Variants in DAPK1 observed in about 807,000 individuals in gnomAD.
The protein encoded by DAPK1 is death-associated protein kinase 1.
In DAPK1, 56 loss-of-function variants were observed where a neutral mutation model predicts 144.9. That is an observed-to-expected ratio of 0.39 (90% CI 0.31 to 0.48). The LOEUF (loss-of-function observed/expected upper bound fraction) is 0.48. Ranked by LOEUF, DAPK1 falls within the 20% of genes least tolerant of loss-of-function variation. DAPK1 has a pLI of 0.95. For synonymous variants in DAPK1, 690 were observed against 749.0 expected (o/e 0.92, Z 1.29); for missense variants, 1,454 against 1,875.4 (o/e 0.78, Z 4.15).
chr9:87,680,903 C>T (rs1053467149), intron 19 of DAPK1, among the ~76,000 whole-genome samples: 1 of 152,140 alleles, frequency 6.6e-6, no homozygotes, highest in Admixed American at 6.5e-5. Context: ...ACACTAAAAG[C>T]CTCTGAATTT....
chr9:87,560,043 C>T (rs574945357), intron 2 of DAPK1, among the ~76,000 whole-genome samples: 76 of 148,890 alleles, frequency 5.1e-4, no homozygotes, highest in African/African-American at 1.8e-3. Flanking sequence ...CTTGCTCTGT[C>T]GCCCAGGCTC....
chr9:87,657,969 A>C (rs959397278), intron 17 of DAPK1, 60 bp from the exon 18 acceptor site: 3 of 735,788 alleles, frequency 4.1e-6, no homozygotes, highest in East Asian at 2.6e-5. Context: ...TGTCTCCGGA[A>C]TGTCATCCTC....
chr9:87,551,817 G>C (rs1644335732), intron 2 of DAPK1, among the ~76,000 whole-genome samples: 1 of 152,166 alleles, frequency 6.6e-6, no homozygotes, highest in South Asian at 2.1e-4. Flanking sequence ...AGCCCAGGAG[G>C]AGAGACCCGA....
At chr9:87,617,703 T>A (rs1434641961) in intron 3 of DAPK1, among the ~76,000 whole-genome samples, 2 of 152,348 alleles carry the variant, frequency 1.3e-5, no homozygotes, top group Non-Finnish European at 2.9e-5. Flanking sequence ...TCCCTACAGA[T>A]GTGTCTCTAG....
At chr9:87,562,500 C>G (rs527398150) in intron 2 of DAPK1, among the ~76,000 whole-genome samples, 1 of 152,318 alleles carries the variant, frequency 6.6e-6, no homozygotes, top group Admixed American at 6.5e-5. Flanking sequence ...AATGTGAAAG[C>G]ATGGGTGTGT....
At chr9:87,518,110 T>TG (rs1563970366) in intron 2 of DAPK1, among the ~76,000 whole-genome samples, 5,975 of 38,242 alleles carry the variant, frequency 0.16, 501 homozygotes, top group African/African-American at 0.25. Flanking sequence ...TTGTTGTTTT[T>TG]TTTTTTTTTT....
intron 2 of DAPK1, chr9:87,499,477 A>G (rs1413486330): frequency 2.7e-6 from 1 of 365,188 alleles, no homozygotes; most frequent in East Asian, 4.0e-5. Context: ...TTGCAATTGG[A>G]GTTAGCTTTT....
At chr9:87,638,223 C>G (rs36211020) in intron 4 of DAPK1, 142 bp downstream of exon 4, 3 of 906,538 alleles carry the variant, frequency 3.3e-6, no homozygotes, top group Non-Finnish European at 4.8e-6. Flanking sequence ...CACTATAAAT[C>G]GGCAAGCATA....
chr9:87,538,222 G>T (rs1825925619), intron 2 of DAPK1, among the ~76,000 whole-genome samples: 1 of 152,054 alleles, frequency 6.6e-6, no homozygotes, highest in African/African-American at 2.4e-5. Flanking sequence ...AATGACTTGG[G>T]GGTTTGCCCT....
rs36230549 is a variant in DAPK1 at position 87,529,695 on chromosome 9, G to A, written c.62+30556G>A. On this transcript the variant is annotated intron_variant, in intron 2 of 25. Coordinates refer to ENST00000408954, the MANE Select transcript of DAPK1 (RefSeq NM_004938.4). ...TAACAGTACGTGGAATGCAGTGGAC[G>A]TGCCTTTATCTGCAAGGACCCTTGA... Among the ~76,000 whole-genome samples, 799 of 152,330 alleles carry A rather than the reference G, an allele frequency of 5.2e-3. 4 individuals are homozygous for A. The highest frequency in any genetic ancestry group is 8.3e-3 in the Non-Finnish European group (566 of 68,030).
At chr9:87,675,848 TACACACACACACAC>T (rs763359644) in intron 19 of DAPK1, among the ~76,000 whole-genome samples, 27 of 117,346 alleles carry the variant, frequency 2.3e-4, no homozygotes, top group South Asian at 6.3e-4. Context: ...CATTCTACCC[TACACACACACACAC>T]ACACACACAC....
At chr9:87,575,345 G>A (rs551151117) in intron 2 of DAPK1, among the ~76,000 whole-genome samples, 19 of 152,178 alleles carry the variant, frequency 1.2e-4, no homozygotes, top group East Asian at 3.9e-4. Flanking sequence ...GGATGTGCAC[G>A]TGTGTTTGGA....
intron 2 of DAPK1, among the ~76,000 whole-genome samples, chr9:87,527,731 T>A (rs1587689219): frequency 6.6e-6 from 1 of 152,266 alleles, no homozygotes; most frequent in Non-Finnish European, 1.5e-5. Flanking sequence ...TGAGCTTCTT[T>A]CTGAACTGTT....
chr9:87,610,276 G>A (rs1828877593), intron 3 of DAPK1, among the ~76,000 whole-genome samples: 3 of 152,218 alleles, frequency 2.0e-5, no homozygotes, highest in African/African-American at 7.2e-5. Context: ...CGGATTTCAT[G>A]TCCTCCACGT....
chr9:87,544,007 A>G (rs1188315962), intron 2 of DAPK1, among the ~76,000 whole-genome samples: 1 of 152,190 alleles, frequency 6.6e-6, no homozygotes, highest in African/African-American at 2.4e-5. Flanking sequence ...GATTCAATCT[A>G]TGAAATTATT....
intron 3 of DAPK1, chr9:87,632,989 G>A: frequency 3.1e-6 from 3 of 976,174 alleles, no homozygotes; most frequent in Non-Finnish European, 3.6e-6. Flanking sequence ...AATGAAGGGA[G>A]ATGAGTATAC....
chr9:87,545,461 G>A lies in DAPK1; in HGVS notation c.62+46322G>A, dbSNP rs75882872. On this transcript the variant is annotated intron_variant, in intron 2 of 25. Transcript: ENST00000408954. ...TTTTAGGCGAACATGGAAGGTACTA[G>A]AAGAAAATAGGCAAACTAGACAGAC... is the stretch of plus-strand genomic sequence containing the variant. Among the ~76,000 whole-genome samples the A allele has an allele frequency of 4.2e-3, 634 of 152,294 alleles. 8 individuals are homozygous for A. Among genetic ancestry groups the A allele is most frequent in the African/African-American group, 0.015 (605 of 41,560 alleles).
chr9:87,530,318 T>A (rs1160366454), intron 2 of DAPK1, among the ~76,000 whole-genome samples: 4 of 152,244 alleles, frequency 2.6e-5, no homozygotes, highest in Non-Finnish European at 5.9e-5. Flanking sequence ...TCAAAGACAC[T>A]GCCTAACCAA....
intron 2 of DAPK1, among the ~76,000 whole-genome samples, chr9:87,516,198 AG>A (rs1433330215): frequency 3.9e-5 from 6 of 152,108 alleles, no homozygotes; most frequent in African/African-American, 1.4e-4. Context: ...TTCTGTCTCC[AG>A]CATTACTCCA....
Sources: allele counts gnomAD v4.1 joint callset (sites outside exome capture counted in the v4.1 genomes callset), GRCh38; gene constraint gnomAD v4.1.1; transcripts MANE v1.5; gene names NCBI Gene and HGNC (gene_info 2026-07-23, HGNC 2026-07-21).